NLGN1: variants seen among roughly 807,000 people sequenced by gnomAD.
NLGN1 encodes neuroligin 1, also known as neuroligin-1.
A neutral mutation model predicts 65.5 loss-of-function variants in NLGN1; 12 were observed. That is an observed-to-expected ratio of 0.18 (90% CI 0.12 to 0.30). The LOEUF (loss-of-function observed/expected upper bound fraction) is 0.30, where lower values mean the gene tolerates loss of function less well. Among genes scored for constraint, NLGN1 ranks in the 10% least tolerant of loss-of-function variants. NLGN1 has a pLI of 1.00. For missense variants in NLGN1, 750 were observed against 1,007.1 expected, an observed-to-expected ratio of 0.74 and a Z score of 3.46; for synonymous variants, 350 against 359.5, an observed-to-expected ratio of 0.97 and a Z score of 0.30.
intron 2 of NLGN1, among the ~76,000 whole-genome samples, chr3:173,540,597 G>A (rs1172223086): frequency 2.6e-5 from 4 of 152,108 alleles, no homozygotes; most frequent in African/African-American, 4.8e-5. Context: ...CTCCTTTCAT[G>A]GGTCCATGAA....
intron 4 of NLGN1, among the ~76,000 whole-genome samples, chr3:174,087,368 G>A (rs1237482315): frequency 6.6e-6 from 1 of 152,168 alleles, no homozygotes; most frequent in Non-Finnish European, 1.5e-5. Flanking sequence ...ATAACAAGCT[G>A]ATTAACTTTT....
At chr3:173,554,309 C>G (rs1228853135) in intron 2 of NLGN1, among the ~76,000 whole-genome samples, 2 of 152,142 alleles carry the variant, frequency 1.3e-5, no homozygotes, top group African/African-American at 4.8e-5. Flanking sequence ...TATTTTCAGA[C>G]TAAATCTACA....
chr3:173,418,570 T>C (rs1714280655), intron 1 of NLGN1, among the ~76,000 whole-genome samples: 1 of 152,204 alleles, frequency 6.6e-6, no homozygotes, highest in South Asian at 2.1e-4. Context: ...ATTGTATAAA[T>C]TGGCAAGTCT....
At chr3:173,774,534 C>G (rs2150284137) in intron 3 of NLGN1, among the ~76,000 whole-genome samples, 1 of 152,246 alleles carries the variant, frequency 6.6e-6, no homozygotes, top group East Asian at 1.9e-4. Flanking sequence ...CCACTCCCTG[C>G]TATCATACTC....
intron 4 of NLGN1, among the ~76,000 whole-genome samples, chr3:174,112,498 C>T (rs1239516167): frequency 6.6e-6 from 1 of 151,838 alleles, no homozygotes; most frequent in Non-Finnish European, 1.5e-5. Flanking sequence ...TTCTATTTCT[C>T]CTTTTTAGAC....
chr3:173,728,045 A>C (rs1772101425), intron 3 of NLGN1, among the ~76,000 whole-genome samples: 1 of 152,102 alleles, frequency 6.6e-6, no homozygotes, highest in Admixed American at 6.6e-5. Context: ...TGATATGAAA[A>C]AAATATAGGG....
At chr3:173,477,011 A>T (rs1452269523) in intron 2 of NLGN1, among the ~76,000 whole-genome samples, 9 of 152,146 alleles carry the variant, frequency 5.9e-5, no homozygotes. Flanking sequence ...GTAGAAGAGT[A>T]TGAAAAATTC....
chr3:174,158,229 C>T (rs540876525), intron 4 of NLGN1, among the ~76,000 whole-genome samples: 42 of 151,796 alleles, frequency 2.8e-4, no homozygotes, highest in East Asian at 1.5e-3. Flanking sequence ...AAATTTCACA[C>T]GTTTCTCAAA....
chr3:173,678,988 G>A (rs996475903), intron 3 of NLGN1, among the ~76,000 whole-genome samples: 1 of 152,034 alleles, frequency 6.6e-6, no homozygotes, highest in Non-Finnish European at 1.5e-5. Context: ...AAATGGAGCA[G>A]AGTTTAGTTG....
intron 4 of NLGN1, among the ~76,000 whole-genome samples, chr3:173,820,745 A>G (rs1316357713): frequency 6.6e-6 from 1 of 152,166 alleles, no homozygotes; most frequent in African/African-American, 2.4e-5. Context: ...ACCATGGTTG[A>G]CCAGAGGTAA....
intron 4 of NLGN1, among the ~76,000 whole-genome samples, chr3:173,866,112 A>T (rs1444150737): frequency 6.6e-6 from 1 of 152,176 alleles, no homozygotes; most frequent in Admixed American, 6.5e-5. Context: ...TTCTTTCATC[A>T]GGATACTTCT....
intron 2 of NLGN1, among the ~76,000 whole-genome samples, chr3:173,471,309 T>A (rs1725279651): frequency 6.6e-6 from 1 of 152,128 alleles, no homozygotes; most frequent in African/African-American, 2.4e-5. Context: ...AAGTTTGAGA[T>A]CAAGACATCA....
At chr3:173,411,973 A>T (rs528672652) in intron 1 of NLGN1, among the ~76,000 whole-genome samples, 2 of 152,304 alleles carry the variant, frequency 1.3e-5, no homozygotes, top group East Asian at 3.9e-4. Flanking sequence ...AAAGTAGATG[A>T]TATGTAAAAT....
At chr3:173,571,229 T>C (rs1435928136) in intron 2 of NLGN1, among the ~76,000 whole-genome samples, 3 of 152,258 alleles carry the variant, frequency 2.0e-5, no homozygotes, top group Non-Finnish European at 4.4e-5. Context: ...GTTTTAATTA[T>C]AAAAGAGGAA....
At chr3:173,604,774 T>G (rs773413102) in exon 3 of NLGN1, 1 of 1,613,702 alleles carries the variant, frequency 6.2e-7, no homozygotes. Flanking sequence ...GCTACCAACT[T>G]TGGAAAGATA....
chr3:173,842,355 C>T (rs1323902606), intron 4 of NLGN1, among the ~76,000 whole-genome samples: 1 of 152,102 alleles, frequency 6.6e-6, no homozygotes, highest in Non-Finnish European at 1.5e-5. Flanking sequence ...CACGTCCTCC[C>T]ATTTCAAAAC....
At chr3:174,062,180 A>G (rs999752659) in intron 4 of NLGN1, among the ~76,000 whole-genome samples, 1 of 152,106 alleles carries the variant, frequency 6.6e-6, no homozygotes, top group Non-Finnish European at 1.5e-5. Flanking sequence ...CTGAGTGTTT[A>G]AAAGGTTTTA....
intron 3 of NLGN1, among the ~76,000 whole-genome samples, chr3:173,776,342 G>T (rs1560345559): frequency 6.6e-6 from 1 of 152,084 alleles, no homozygotes; most frequent in African/African-American, 2.4e-5. Context: ...TCTATGAAGA[G>T]TTGGGTGAGA....
intron 4 of NLGN1, among the ~76,000 whole-genome samples, chr3:173,856,556 A>G (rs1057432917): frequency 2.0e-5 from 3 of 152,100 alleles, no homozygotes; most frequent in African/African-American, 4.8e-5. Flanking sequence ...TTCCTTCCTA[A>G]TTAGGAGCTA....
Sources: gnomAD v4.1 joint callset for allele counts (sites outside exome capture counted in the v4.1 genomes callset) on GRCh38, gnomAD v4.1.1 for gene constraint, MANE v1.5 for transcripts, NCBI Gene and HGNC (gene_info 2026-07-23, HGNC 2026-07-21) for gene names.